CDK19: variants seen among roughly 807,000 people sequenced by gnomAD.
CDK19 encodes cyclin dependent kinase 19.
CDK19 carries 20 observed loss-of-function variants against 68.3 expected under a neutral mutation model. That is an observed-to-expected ratio of 0.29 (90% CI 0.21 to 0.43). CDK19 has a LOEUF of 0.43. Among genes scored for constraint, CDK19 ranks in the 20% least tolerant of loss-of-function variants. CDK19 has a pLI of 1.00. For missense variants in CDK19, 339 were observed against 623.5 expected (o/e 0.54, Z 4.86); for synonymous variants, 221 against 222.8 (o/e 0.99, Z 0.07).
At chr6:110,767,004 C>T (rs890122764) in intron 1 of CDK19, among the ~76,000 whole-genome samples, 4 of 151,782 alleles carry the variant, frequency 2.6e-5, no homozygotes, top group African/African-American at 4.8e-5. Flanking sequence ...CATTGTGGTG[C>T]GTGTCTCTAG....
chr6:110,711,378 CATT>C (rs1414474824), intron 2 of CDK19, among the ~76,000 whole-genome samples: 7 of 152,058 alleles, frequency 4.6e-5, no homozygotes, highest in African/African-American at 1.7e-4. Flanking sequence ...TAAATGAAGA[CATT>C]ATTTGGATTT....
chr6:110,745,032 T>C (rs1364689273), intron 2 of CDK19, among the ~76,000 whole-genome samples: 1 of 152,198 alleles, frequency 6.6e-6, no homozygotes, highest in African/African-American at 2.4e-5. Context: ...AAGTAACAAT[T>C]ATTTAAATAA....
In CDK19 at chr6:110,614,326, G is replaced by A. The variant is rs547941787; in HGVS notation, c.*209C>T. On this transcript the variant is annotated 3_prime_UTR_variant, in exon 13 of 13. Coordinates refer to ENST00000368911, the MANE Select transcript of CDK19 (RefSeq NM_015076.5). ...GTCACAATGGAACACATGCAGGGAA[G>A]GGGTGCTGGGGAAACTTCACAAGAA... is the stretch of plus-strand genomic sequence containing the variant. 4.1e-5 allele frequency: 18 copies of A among 435,872 alleles called. No individual in the cohort carries two copies. Among genetic ancestry groups the A allele is most frequent in the African/African-American group, 3.3e-4 (17 of 51,866 alleles). The allele number at this position is 435,872 out of a possible 1,614,324, so 27.0% of individuals were successfully genotyped here. A position where few individuals can be genotyped will look rare whatever the true frequency, so the allele number is the denominator to read the frequency against.
rs1781237173 is a variant in CDK19 at position 110,655,293 on chromosome 6, G to A, written c.456+12141C>T. The stretch of plus-strand genomic sequence containing the variant: ...AGGCAGGAGAATTGCTTGAACCCAG[G>A]AGGCAGAGGTTGTGGTGAGCCGAGA... On this transcript the variant is annotated intron_variant, in intron 4 of 12. Transcript: ENST00000368911. Among the ~76,000 whole-genome samples, 3 of 151,704 alleles carry A rather than the reference G, an allele frequency of 2.0e-5. No homozygotes were observed. The South Asian group carries it at 6.2e-4, about 32-fold the overall frequency.
chr6:110,777,580 T>C (rs919318444), intron 1 of CDK19, among the ~76,000 whole-genome samples: 2 of 152,170 alleles, frequency 1.3e-5, no homozygotes, highest in East Asian at 1.9e-4. Flanking sequence ...GAAAATAGTA[T>C]AGTGGTTCAT....
intron 4 of CDK19, among the ~76,000 whole-genome samples, chr6:110,644,064 C>T (rs952676012): frequency 8.6e-5 from 13 of 151,940 alleles, no homozygotes; most frequent in African/African-American, 1.5e-4. Flanking sequence ...GAGGCCAAGG[C>T]GGGCAGATCA....
chr6:110,680,069 G>T (rs1181664344), intron 2 of CDK19, among the ~76,000 whole-genome samples: 1 of 152,168 alleles, frequency 6.6e-6, no homozygotes, highest in Admixed American at 6.5e-5. Context: ...AAATGATTTT[G>T]TTTTCAACAA....
chr6:110,782,420 C>T (rs1360004830), intron 1 of CDK19, among the ~76,000 whole-genome samples: 1 of 152,184 alleles, frequency 6.6e-6, no homozygotes, highest in Non-Finnish European at 1.5e-5. Flanking sequence ...TCTACCCCCA[C>T]AGCTACCACT....
chr6:110,629,813 T>C (rs775959241), intron 6 of CDK19, among the ~76,000 whole-genome samples: 1 of 152,204 alleles, frequency 6.6e-6, no homozygotes, highest in Non-Finnish European at 1.5e-5. Flanking sequence ...CTACCTTCTA[T>C]CCAGAATGGA....
chr6:110,763,428 T>TA (rs1303623607), intron 1 of CDK19, among the ~76,000 whole-genome samples: 1 of 150,264 alleles, frequency 6.7e-6, no homozygotes, highest in Non-Finnish European at 1.5e-5. Context: ...TTTTTTTTTT[T>TA]TTTTTTGAGA....
At chr6:110,805,750 T>C (rs1440821803) in intron 1 of CDK19, among the ~76,000 whole-genome samples, 1 of 152,200 alleles carries the variant, frequency 6.6e-6, no homozygotes. Flanking sequence ...TGTAGGACAC[T>C]ATATTTTATA....
rs867627966 is a variant in CDK19 at position 110,614,755 on chromosome 6, G to A, written c.1378-89C>T. 4.8e-5 allele frequency: 63 copies of A among 1,306,954 alleles called. No homozygotes were observed. The Middle Eastern group carries it at 5.8e-4, about 12-fold the overall frequency. The allele number at this position is 1,306,954 out of a possible 1,614,324, so 81.0% of individuals were successfully genotyped here. A position where few individuals can be genotyped will look rare whatever the true frequency, so the allele number is the denominator to read the frequency against. ...TCACAGTAGGATAGAGATATAAGCC[G>A]TTTTCATTAGGTTCCTGGTTCAGAC... On this transcript the variant is annotated intron_variant, in intron 12 of 12. Coordinates refer to ENST00000368911, the MANE Select transcript of CDK19 (RefSeq NM_015076.5).
chr6:110,676,699 A>T (rs1308259992), intron 2 of CDK19, among the ~76,000 whole-genome samples: 1 of 152,182 alleles, frequency 6.6e-6, no homozygotes, highest in Non-Finnish European at 1.5e-5. Context: ...GCAATAATGT[A>T]TTTTTTAATT....
chr6:110,634,397 T>C (rs1425715508), intron 5 of CDK19, among the ~76,000 whole-genome samples: 1 of 152,156 alleles, frequency 6.6e-6, no homozygotes, highest in Non-Finnish European at 1.5e-5. Flanking sequence ...TTTGTATTTT[T>C]AGTAGAGATG....
intron 2 of CDK19, among the ~76,000 whole-genome samples, chr6:110,693,441 C>T (rs1486706192): frequency 1.3e-5 from 2 of 152,140 alleles, no homozygotes; most frequent in Admixed American, 6.5e-5. Flanking sequence ...TCCCGGTCTC[C>T]GGCAGGTGGG....
In CDK19 at chr6:110,621,347, C is replaced by T. The variant is rs753407509; in HGVS notation, c.1134G>A (p.Gln378=). ...GTGGAGGGGCTGTGGGCTGCTGATG[C>T]TGGTTCTGCTGCTGTTGCTGATTCT... ...GDKNQQQQQN[Q]HQQPTAPPQQ... is the part of the protein sequence containing the mutation. Residue 378 remains glutamine (Q), a synonymous_variant, in exon 12 of 13, where the codon CAG becomes CAA. Transcript: ENST00000368911. The surrounding 1 kb of genome is among the most constrained non-coding windows in gnomAD (Gnocchi z 5.4). 1.3e-6 allele frequency: 2 copies of T among 1,559,536 alleles called. No individual in the cohort carries two copies. The highest frequency in any genetic ancestry group is 1.4e-5 in the African/African-American group (1 of 72,760).
chr6:110,684,426 T>C (rs904341569), intron 2 of CDK19, among the ~76,000 whole-genome samples: 2 of 80,038 alleles, frequency 2.5e-5, no homozygotes, highest in Non-Finnish European at 4.4e-5. Flanking sequence ...CTCCTTGAAA[T>C]AGAATGGTGG....
chr6:110,735,778 T>C (rs772825252), intron 2 of CDK19, among the ~76,000 whole-genome samples: 6 of 152,214 alleles, frequency 3.9e-5, no homozygotes, highest in Non-Finnish European at 7.3e-5. Context: ...CACTAAAATA[T>C]ATGCAAGAGT....
chr6:110,683,371 T>C (rs991620459), intron 2 of CDK19, among the ~76,000 whole-genome samples: 1 of 152,044 alleles, frequency 6.6e-6, no homozygotes, highest in Non-Finnish European at 1.5e-5. Context: ...TGTACTTAAG[T>C]GAAAATTTCA....
Sources: allele counts gnomAD v4.1 joint callset (sites outside exome capture counted in the v4.1 genomes callset), GRCh38; gene constraint gnomAD v4.1.1; non-coding constraint Gnocchi (gnomAD v3.1); transcripts MANE v1.5; gene names NCBI Gene and HGNC (gene_info 2026-07-23, HGNC 2026-07-21).